Variants in EPHA3 observed in about 807,000 individuals in gnomAD.
EPHA3 encodes the protein EPH receptor A3.
A neutral mutation model predicts 107.1 loss-of-function variants in EPHA3; 42 were observed. That is an observed-to-expected ratio of 0.39 (90% confidence interval 0.31 to 0.51). The LOEUF is 0.51. Among genes scored for constraint, EPHA3 ranks in the 20% least tolerant of loss-of-function variants. The probability of loss-of-function intolerance (pLI) is 0.78; values close to 1 mark genes in which losing one functional copy is unlikely to be tolerated. For synonymous variants in EPHA3, 461 were observed against 424.8 expected (o/e 1.09, Z -1.05); for missense variants, 1,183 against 1,211.2 (o/e 0.98, Z 0.35).
chr3:89,345,776 C>A (rs1707635418), intron 5 of EPHA3, among the ~76,000 whole-genome samples: 1 of 116,940 alleles, frequency 8.6e-6, no homozygotes, highest in Non-Finnish European at 1.8e-5. Context: ...CTCCCCCCAC[C>A]CCACCACAGT....
At chr3:89,236,046 A>G (rs916436106) in intron 3 of EPHA3, among the ~76,000 whole-genome samples, 1 of 152,022 alleles carries the variant, frequency 6.6e-6, no homozygotes, top group Non-Finnish European at 1.5e-5. Context: ...ACAATTTTAA[A>G]CTGTTTCATT....
chr3:89,474,389 T>C (rs1710465888), intron 16 of EPHA3, among the ~76,000 whole-genome samples: 1 of 152,194 alleles, frequency 6.6e-6, no homozygotes, highest in African/African-American at 2.4e-5. Flanking sequence ...GGTACTTATT[T>C]TGATCAGATA....
chr3:89,334,717 C>T (rs917729187), intron 3 of EPHA3, among the ~76,000 whole-genome samples: 22 of 152,098 alleles, frequency 1.4e-4, no homozygotes, highest in African/African-American at 3.9e-4. Context: ...TCTGGGAATA[C>T]GTAATTACTT....
chr3:89,421,914 C>T (rs1048615212), intron 11 of EPHA3, among the ~76,000 whole-genome samples: 41 of 151,138 alleles, frequency 2.7e-4, no homozygotes, highest in African/African-American at 9.7e-4. Flanking sequence ...TTACTCAAAC[C>T]GACTCTGTAA....
intron 2 of EPHA3, among the ~76,000 whole-genome samples, chr3:89,169,815 G>A (rs2107093374): frequency 6.6e-6 from 1 of 151,944 alleles, no homozygotes; most frequent in Admixed American, 6.5e-5. Flanking sequence ...CCTTAATTTT[G>A]TTTTTTTGTT....
intron 5 of EPHA3, among the ~76,000 whole-genome samples, chr3:89,390,150 A>G (rs1199336961): frequency 6.6e-6 from 1 of 151,934 alleles, no homozygotes; most frequent in African/African-American, 2.4e-5. Context: ...CACCACCACA[A>G]CCAGCTAATT....
At position 89,344,281 on chromosome 3, in the gene EPHA3, C is replaced by A. The variant is rs79998606; in HGVS notation, c.1306+2191C>A. 4.5e-3 allele frequency among the ~76,000 whole-genome samples: 685 copies of A among 152,180 alleles called. 6 individuals are homozygous for A. Among genetic ancestry groups the A allele is most frequent in the Middle Eastern group, 0.014 (4 of 292 alleles). Reference sequence around the variant, plus strand: ...AGGCAAAGTGGCAACCAAGATCAGGCCAAGACATTAAAAAATAAATGAGAT... The same window carrying A: ...AGGCAAAGTGGCAACCAAGATCAGGACAAGACATTAAAAAATAAATGAGAT... On this transcript the variant is annotated intron_variant, in intron 5 of 16. Coordinates refer to ENST00000336596, the MANE Select transcript of EPHA3 (RefSeq NM_005233.6).
At chr3:89,451,404 CTTGTT>C (rs1449521315) in intron 15 of EPHA3, among the ~76,000 whole-genome samples, 1 of 151,998 alleles carries the variant, frequency 6.6e-6, no homozygotes, top group Non-Finnish European at 1.5e-5. Flanking sequence ...GCAAAGATAT[CTTGTT>C]TAATAATTTT....
intron 1 of EPHA3, among the ~76,000 whole-genome samples, chr3:89,114,226 T>A (rs1392629843): frequency 6.6e-6 from 1 of 152,138 alleles, no homozygotes; most frequent in Non-Finnish European, 1.5e-5. Flanking sequence ...ATAATGCAAA[T>A]TCATTAAATT....
rs75504108 is a variant in EPHA3 at position 89,201,721 on chromosome 3, G to A, written c.154-8139G>A. ...CCATGTTTAATATTAGAAGTGCTTC[G>A]AGTGTTTATTTAGAAATTTGGTGAT... On this transcript the variant is annotated intron_variant, in intron 2 of 16. Coordinates refer to ENST00000336596, the MANE Select transcript of EPHA3 (RefSeq NM_005233.6). 0.013 allele frequency among the ~76,000 whole-genome samples: 1,908 copies of A among 152,220 alleles called. 45 individuals are homozygous for A. In the East Asian group the frequency reaches 0.13, roughly 10 times the overall value.
chr3:89,391,714 T>A (rs773442396), intron 5 of EPHA3, among the ~76,000 whole-genome samples: 131 of 152,178 alleles, frequency 8.6e-4, no homozygotes, highest in Middle Eastern at 3.4e-3. Flanking sequence ...ATTACAGGCG[T>A]GAGCCACCGC....
intron 3 of EPHA3, among the ~76,000 whole-genome samples, chr3:89,236,920 G>T (rs1480745195): frequency 1.3e-5 from 2 of 152,122 alleles, no homozygotes; most frequent in Non-Finnish European, 2.9e-5. Context: ...GATGCATGTA[G>T]TTGTTATCAA....
chr3:89,174,707 A>C (rs967663305), intron 2 of EPHA3, among the ~76,000 whole-genome samples: 1 of 151,986 alleles, frequency 6.6e-6, no homozygotes, highest in African/African-American at 2.4e-5. Flanking sequence ...TTACTTTTTA[A>C]AATTAACCAC....
At chr3:89,303,018 G>A (rs1239255649) in intron 3 of EPHA3, among the ~76,000 whole-genome samples, 2 of 151,834 alleles carry the variant, frequency 1.3e-5, no homozygotes, top group East Asian at 1.9e-4. Flanking sequence ...TCAGCTTCCC[G>A]GGTACCTGGG....
In EPHA3 at chr3:89,136,330, CTTTTTTTTTT is replaced by C. The variant is rs67054298; in HGVS notation, c.153+9072_153+9081del. Among the ~76,000 whole-genome samples, 6 of 23,382 alleles carry C rather than the reference CTTTTTTTTTT, an allele frequency of 2.6e-4. No homozygotes were observed. The East Asian group carries it at 6.6e-3, about 26-fold the overall frequency. The allele number at this position is 23,382 out of a possible 152,430, so 15.3% of individuals were successfully genotyped here. On this transcript the variant is annotated intron_variant, in intron 2 of 16. Transcript: ENST00000336596. ...GAAAAACATGGCAAAATCTTACAGG[CTTTTTTTTTT>C]TTTTTTTTTTTTTTGACCCTTTCCT...
chr3:89,212,570 A>G (rs1481264982), intron 3 of EPHA3, among the ~76,000 whole-genome samples: 1 of 142,986 alleles, frequency 7.0e-6, no homozygotes, highest in Non-Finnish European at 1.5e-5. Flanking sequence ...AAAATTTTGT[A>G]TTAATACCAA....
intron 5 of EPHA3, among the ~76,000 whole-genome samples, chr3:89,344,878 T>C (rs947528227): frequency 6.6e-6 from 1 of 151,674 alleles, no homozygotes; most frequent in African/African-American, 2.4e-5. Flanking sequence ...GGATATTAGT[T>C]CTCAGCTCTC....
intron 6 of EPHA3, among the ~76,000 whole-genome samples, 189 bp from the exon 7 acceptor site, chr3:89,399,127 TAA>T (rs375028505): frequency 0.012 from 1,678 of 139,144 alleles, 36 homozygotes; most frequent in African/African-American, 0.041. Context: ...AGACTTTGTC[TAA>T]AAAAAAAAAA....
At chr3:89,280,079 G>C (rs1438597235) in intron 3 of EPHA3, among the ~76,000 whole-genome samples, 1 of 151,878 alleles carries the variant, frequency 6.6e-6, no homozygotes, top group Non-Finnish European at 1.5e-5. Context: ...ACATGTCAGA[G>C]ATGGGAACAC....
Sources: allele counts gnomAD v4.1 joint callset (sites outside exome capture counted in the v4.1 genomes callset), GRCh38; gene constraint gnomAD v4.1.1; transcripts MANE v1.5; gene names NCBI Gene and HGNC (gene_info 2026-07-23, HGNC 2026-07-21).